LAMA1: variants seen among roughly 807,000 people sequenced by gnomAD.
LAMA1 encodes laminin subunit alpha-1.
Under a neutral mutation model 348.7 loss-of-function variants are expected in LAMA1, and 219 were observed. The observed-to-expected ratio is 0.63, with a 90% CI of 0.56 to 0.70. LAMA1 has a LOEUF of 0.70. LAMA1 is among the 30% of genes least tolerant of loss of function. The pLI is 0.00. For synonymous variants in LAMA1, 1,487 were observed against 1,491.0 expected (o/e 1.00, Z 0.06); for missense variants, 3,744 against 3,888.0 (o/e 0.96, Z 0.99).
intron 1 of LAMA1, among the ~76,000 whole-genome samples, chr18:7,092,885 A>G (rs945580010): frequency 2.6e-5 from 4 of 152,062 alleles, no homozygotes; most frequent in South Asian, 4.1e-4. Flanking sequence ...GGCCATCCCA[A>G]AGGTCTCCAT....
rs2144107301 is a variant in LAMA1 at position 7,007,231 on chromosome 18, C to T, written c.4168G>A (p.Asp1390Asn). 1.2e-6 allele frequency: 2 copies of T among 1,614,140 alleles called. No individual in the cohort carries two copies. Among genetic ancestry groups the T allele is most frequent in the East Asian group, 2.2e-5 (1 of 44,862 alleles). ...GCAACCAGAGGGCGTGGTCCCCTGT[C>T]ACTCCCTGCTGGGAGCTTCCCTCTG... is the stretch of plus-strand genomic sequence containing the variant. Reference protein sequence around the residue: ...YHRGKLPAGSDRGPRPLVAPC... With the variant: ...YHRGKLPAGSNRGPRPLVAPC... Residue 1390 changes from aspartate to asparagine, a missense_variant, in exon 29 of 63, where the codon GAC becomes AAC. Physicochemically the swap from Asp to Asn is conservative, Grantham distance 23. This residue lies in a region of LAMA1 where 1,983 missense variants were observed against 1,934.3 expected (regional missense o/e 1.03). Transcript: ENST00000389658.
chr18:6,946,627 G>A (rs957349618), intron 61 of LAMA1, among the ~76,000 whole-genome samples: 2 of 152,102 alleles, frequency 1.3e-5, no homozygotes, highest in African/African-American at 2.4e-5. Context: ...GCTGAGGCAG[G>A]AGAATCACTT....
At chr18:7,030,323 G>C (rs2057963006) in intron 16 of LAMA1, among the ~76,000 whole-genome samples, 1 of 152,186 alleles carries the variant, frequency 6.6e-6, no homozygotes, top group Non-Finnish European at 1.5e-5. Flanking sequence ...AGAATGCTCA[G>C]TGCTCTTCAA....
At position 6,974,877 on chromosome 18, in the gene LAMA1, T is replaced by G. The variant is rs755225062; in HGVS notation, c.6623+26A>C. On this transcript the variant is annotated intron_variant, in intron 46 of 62. Transcript: ENST00000389658. ...TGAGACACACTTTAAAAAAGAGAGC[T>G]GCTTTGAGAGAACATTCTCTTCTAC... 2.5e-6 allele frequency: 4 copies of G among 1,613,786 alleles called. No individual in the cohort carries two copies. In the African/African-American group the frequency reaches 5.3e-5, roughly 22 times the overall value.
chr18:6,951,001 A>T (rs1171198484), intron 57 of LAMA1, 30 bp from the exon 58 acceptor site: 16 of 1,597,426 alleles, frequency 1.0e-5, no homozygotes, highest in Non-Finnish European at 1.4e-5. Context: ...AGCGTTGAGA[A>T]AGGAAACTTT....
intron 54 of LAMA1, 145 bp downstream of exon 54, chr18:6,959,196 A>G: frequency 9.7e-7 from 1 of 1,032,504 alleles, no homozygotes; most frequent in Non-Finnish European, 1.5e-6. Context: ...GTTCCCAGGA[A>G]AGAATCCTAG....
At chr18:7,064,155 A>ATT in intron 3 of LAMA1, among the ~76,000 whole-genome samples, 1 of 151,420 alleles carries the variant, frequency 6.6e-6, no homozygotes, top group African/African-American at 2.4e-5. Flanking sequence ...TGTATTGTGG[A>ATT]TTTTTTTTTG....
intron 34 of LAMA1, among the ~76,000 whole-genome samples, chr18:6,994,409 C>T (rs2057771456): frequency 1.3e-5 from 2 of 152,184 alleles, no homozygotes; most frequent in Admixed American, 1.3e-4. Context: ...TGTAGAGTAA[C>T]CCAGTCTGAG....
chr18:6,951,356 C>G (rs2057545827), intron 57 of LAMA1, among the ~76,000 whole-genome samples: 1 of 152,194 alleles, frequency 6.6e-6, no homozygotes, highest in South Asian at 2.1e-4. Context: ...GGGGCAAGCC[C>G]CTGCAAAGTG....
At chr18:7,107,791 G>C (rs1313068795) in intron 1 of LAMA1, among the ~76,000 whole-genome samples, 1 of 151,936 alleles carries the variant, frequency 6.6e-6, no homozygotes, top group African/African-American at 2.4e-5. Flanking sequence ...GAGGCGGGCA[G>C]ATCACGAGGT....
Position 6,974,911 on chromosome 18 carries a change from A to C in LAMA1, c.6615T>G (p.His2205Gln). Reference sequence around the variant, plus strand: ...AGAACATTCTCTTCTACCTGGCTACATGGATACTGTGCCATCTGTTGTCAT... The same window carrying C: ...AGAACATTCTCTTCTACCTGGCTACCTGGATACTGTGCCATCTGTTGTCAT... ...PIDDNRWHSI[H>Q]VARFGNIGSL... Residue 2205 changes from histidine (H) to glutamine (Q), a missense_variant, in exon 46 of 63, where the codon CAT (histidine) becomes CAG (glutamine). Physicochemically the swap from His to Gln is conservative, Grantham distance 24. Coordinates refer to ENST00000389658, the MANE Select transcript of LAMA1 (RefSeq NM_005559.4). 1 of 1,614,180 alleles carries C rather than the reference A, an allele frequency of 6.2e-7. No homozygotes were observed. The highest frequency in any genetic ancestry group is 8.5e-7 in the Non-Finnish European group (1 of 1,180,036).
At chr18:7,095,118 ACCTT>A (rs1330334007) in intron 1 of LAMA1, among the ~76,000 whole-genome samples, 1 of 42,104 alleles carries the variant, frequency 2.4e-5, no homozygotes, top group African/African-American at 1.5e-4. Context: ...TTGCCTCAGG[ACCTT>A]TCTCTCTCTC....
chr18:7,048,225 C>T (rs1598296613), intron 5 of LAMA1, among the ~76,000 whole-genome samples: 4 of 152,046 alleles, frequency 2.6e-5, no homozygotes, highest in East Asian at 3.8e-4. Flanking sequence ...AAAATCTGAT[C>T]GTATACTAGT....
At chr18:7,016,117 A>G (rs1287965840) in intron 21 of LAMA1, among the ~76,000 whole-genome samples, 1 of 152,202 alleles carries the variant, frequency 6.6e-6, no homozygotes, top group African/African-American at 2.4e-5. Context: ...CTAGGTGATC[A>G]CAGAGGGAGC....
intron 30 of LAMA1, among the ~76,000 whole-genome samples, chr18:7,001,813 T>G (rs2057808980): frequency 6.6e-6 from 1 of 152,240 alleles, no homozygotes; most frequent in African/African-American, 2.4e-5. Flanking sequence ...AGGTAGAAAC[T>G]AGTCCCAATT....
chr18:7,008,729 G>T, intron 27 of LAMA1, 121 bp from the exon 28 acceptor site: 2 of 1,133,174 alleles, frequency 1.8e-6, no homozygotes, highest in Non-Finnish European at 2.6e-6. Flanking sequence ...GTTTGGAGTA[G>T]TTCCTGCTTG....
chr18:7,081,157 A>G (rs1232022625), intron 1 of LAMA1, among the ~76,000 whole-genome samples: 4 of 152,188 alleles, frequency 2.6e-5, no homozygotes, highest in African/African-American at 9.6e-5. Context: ...CTGAGCCTCA[A>G]AAACAACAAC....
At chr18:6,958,885 A>G (rs898533178) in intron 54 of LAMA1, among the ~76,000 whole-genome samples, 1 of 152,144 alleles carries the variant, frequency 6.6e-6, no homozygotes, top group Admixed American at 6.5e-5. Flanking sequence ...ATATCCATTG[A>G]ATGAGATTGC....
chr18:7,019,549 G>A (rs1251086947), intron 19 of LAMA1, among the ~76,000 whole-genome samples: 1 of 152,048 alleles, frequency 6.6e-6, no homozygotes, highest in African/African-American at 2.4e-5. Flanking sequence ...AAACCAAGGA[G>A]GGAGGCGAAA....
Sources: allele counts gnomAD v4.1 joint callset (sites outside exome capture counted in the v4.1 genomes callset), GRCh38; gene constraint gnomAD v4.1.1; regional missense constraint gnomAD v4.1.1; transcripts MANE v1.5; gene names NCBI Gene and HGNC (gene_info 2026-07-23, HGNC 2026-07-21).